PLGRKT: variants seen among roughly 807,000 people sequenced by gnomAD.
PLGRKT encodes plasminogen receptor (KT).
In PLGRKT, 22 loss-of-function variants were observed where a neutral mutation model predicts 18.5. The ratio of observed to expected loss-of-function variants is 1.19; its 90% CI spans 0.85 to 1.70. The LOEUF is 1.70. Ranked by LOEUF, PLGRKT falls within the 40% of genes most tolerant of loss-of-function variation. The pLI is 0.00. For missense variants in PLGRKT, 235 were observed against 174.4 expected, an observed-to-expected ratio of 1.35 and a Z score of -1.96; for synonymous variants, 72 against 52.8, an observed-to-expected ratio of 1.36 and a Z score of -1.58.
chr9:5,427,293 G>A (rs1228503302), intron 3 of PLGRKT, among the ~76,000 whole-genome samples: 1 of 152,054 alleles, frequency 6.6e-6, no homozygotes, highest in African/African-American at 2.4e-5. Context: ...CTGGTGTGCA[G>A]GTAACCCTTG....
intron 3 of PLGRKT, among the ~76,000 whole-genome samples, chr9:5,383,131 T>C (rs1283734807): frequency 6.6e-6 from 1 of 152,126 alleles, no homozygotes; most frequent in Non-Finnish European, 1.5e-5. Context: ...GAAGGCTGTG[T>C]AAAGATGCAG....
chr9:5,414,170 C>G (rs925414745), intron 3 of PLGRKT, among the ~76,000 whole-genome samples: 1 of 151,980 alleles, frequency 6.6e-6, no homozygotes, highest in Non-Finnish European at 1.5e-5. Context: ...TGGAGTGTAT[C>G]TTTTTTGTTT....
chr9:5,359,064 AT>A (rs3042402), intron 5 of PLGRKT, among the ~76,000 whole-genome samples: 21,011 of 142,614 alleles, frequency 0.15, 1,531 homozygotes, highest in East Asian at 0.29. Context: ...ACACTATTTT[AT>A]TTTTTTTTTT....
chr9:5,399,552 G>C (rs888351243), intron 3 of PLGRKT, among the ~76,000 whole-genome samples: 1 of 151,618 alleles, frequency 6.6e-6, no homozygotes, highest in Non-Finnish European at 1.5e-5. Context: ...AAGGTACATA[G>C]CACCAAACTA....
rs1818503663 is a variant in PLGRKT, at chr9:5,418,321, C to T, written c.81+13576G>A. On this transcript the variant is annotated intron_variant, in intron 3 of 5. Coordinates refer to ENST00000223864, the MANE Select transcript of PLGRKT (RefSeq NM_018465.4). The surrounding 1 kb of genome is among the most constrained non-coding windows in gnomAD (Gnocchi z 4.2). ...TCACTGGGATCTCATCACCAATGTG[C>T]TCAACCCCTAAGTTGGCACCCACAA... The T allele has an allele frequency of 1.7e-5, 10 of 592,606 alleles. No homozygotes were observed. Among genetic ancestry groups the T allele is most frequent in the South Asian group, 1.6e-4 (9 of 57,480 alleles). The allele number at this position is 592,606 out of a possible 1,614,324, so 36.7% of individuals were successfully genotyped here. A position where few individuals can be genotyped will look rare whatever the true frequency, so the allele number is the denominator to read the frequency against.
At chr9:5,386,529 A>G (rs1371950161) in intron 3 of PLGRKT, among the ~76,000 whole-genome samples, 2 of 151,812 alleles carry the variant, frequency 1.3e-5, no homozygotes, top group Non-Finnish European at 2.9e-5. Context: ...TCACTTCCAA[A>G]TGTCAATAGT....
At chr9:5,358,453 C>T in intron 5 of PLGRKT, 93 bp from the exon 6 acceptor site, 2 of 1,087,236 alleles carry the variant, frequency 1.8e-6, no homozygotes, top group East Asian at 2.4e-5. Context: ...CAGGCTCTAA[C>T]ACCGTATGAG....
At chr9:5,401,633 A>C (rs1818155973) in intron 3 of PLGRKT, among the ~76,000 whole-genome samples, 1 of 151,942 alleles carries the variant, frequency 6.6e-6, no homozygotes, top group Non-Finnish European at 1.5e-5. Context: ...TTATAAATAA[A>C]ATAAACCAGC....
chr9:5,376,898 G>A (rs1016266446), intron 3 of PLGRKT, among the ~76,000 whole-genome samples: 1 of 152,068 alleles, frequency 6.6e-6, no homozygotes, highest in East Asian at 1.9e-4. Flanking sequence ...CTGGGGACAG[G>A]GGTAAGAGGA....
intron 2 of PLGRKT, among the ~76,000 whole-genome samples, chr9:5,435,969 G>A (rs1013394880): frequency 1.3e-5 from 2 of 152,194 alleles, no homozygotes; most frequent in South Asian, 4.1e-4. Context: ...AGGGCTCTGT[G>A]CCAGAGTCAG....
chr9:5,409,408 T>A (rs1818318019), intron 3 of PLGRKT, among the ~76,000 whole-genome samples: 1 of 152,210 alleles, frequency 6.6e-6, no homozygotes, highest in African/African-American at 2.4e-5. Context: ...GGATGCTTCC[T>A]GACCTTGAAC....
chr9:5,391,392 T>G (rs967916907), intron 3 of PLGRKT, among the ~76,000 whole-genome samples: 5 of 151,956 alleles, frequency 3.3e-5, no homozygotes, highest in Non-Finnish European at 7.3e-5. Context: ...TAATTTCACC[T>G]AGATTATCGC....
intron 5 of PLGRKT, among the ~76,000 whole-genome samples, chr9:5,360,840 G>A (rs1249342329): frequency 1.3e-5 from 2 of 152,090 alleles, no homozygotes; most frequent in Non-Finnish European, 2.9e-5. Context: ...AATACATTAA[G>A]TGACTATGTT....
chr9:5,387,170 C>T lies in PLGRKT; in HGVS notation c.82-25282G>A, dbSNP rs535278774. ...AATGTCAATGCTTTTAGAAAATGGACCATATTAGAGTACAGGAGTATAGGG... is the reference window on the plus strand; with the variant it reads ...AATGTCAATGCTTTTAGAAAATGGATCATATTAGAGTACAGGAGTATAGGG... On this transcript the variant is annotated intron_variant, in intron 3 of 5. Coordinates refer to ENST00000223864, the MANE Select transcript of PLGRKT (RefSeq NM_018465.4). Among the ~76,000 whole-genome samples the T allele has an allele frequency of 1.3e-3, 201 of 151,880 alleles. 2 individuals are homozygous for T. In the South Asian group the frequency reaches 0.018, roughly 14 times the overall value.
intron 3 of PLGRKT, among the ~76,000 whole-genome samples, chr9:5,380,743 G>C (rs1367591405): frequency 6.6e-6 from 1 of 152,182 alleles, no homozygotes; most frequent in Admixed American, 6.5e-5. Flanking sequence ...TAACCTTGGT[G>C]CCTAGAAGAG....
chr9:5,431,657 C>G (rs1169422603), intron 3 of PLGRKT, among the ~76,000 whole-genome samples: 2 of 151,892 alleles, frequency 1.3e-5, no homozygotes, highest in Non-Finnish European at 2.9e-5. Flanking sequence ...CTATGTACCA[C>G]ATACTCTAAG....
At chr9:5,431,866 A>C (rs1818833023) in intron 3 of PLGRKT, 31 bp downstream of exon 3, 1 of 1,064,446 alleles carries the variant, frequency 9.4e-7, no homozygotes, top group African/African-American at 1.6e-5. Flanking sequence ...GCATTGTAAC[A>C]ACATAATAGC....
intron 3 of PLGRKT, among the ~76,000 whole-genome samples, chr9:5,405,896 T>C (rs12378041): frequency 0.23 from 35,553 of 151,824 alleles, 4,543 homozygotes; most frequent in Non-Finnish European, 0.29. Flanking sequence ...TACAAGGAAC[T>C]TAAGAAAATT....
chr9:5,419,771 C>T (rs77111868), intron 3 of PLGRKT, among the ~76,000 whole-genome samples: 11 of 152,056 alleles, frequency 7.2e-5, no homozygotes, highest in Non-Finnish European at 1.0e-4. Context: ...CACTTTACAG[C>T]GGGAATGTAA....
Sources: gnomAD v4.1 joint callset for allele counts (sites outside exome capture counted in the v4.1 genomes callset) on GRCh38, gnomAD v4.1.1 for gene constraint, Gnocchi (gnomAD v3.1) non-coding constraint, MANE v1.5 for transcripts, NCBI Gene and HGNC (gene_info 2026-07-23, HGNC 2026-07-21) for gene names.